COLEC12: variants seen among roughly 807,000 people sequenced by gnomAD.
COLEC12 encodes the protein collectin subfamily member 12, also known as collectin-12.
Under a neutral mutation model 71.1 loss-of-function variants are expected in COLEC12, and 33 were observed. The observed-to-expected ratio is 0.46, with a 90% CI of 0.35 to 0.62. COLEC12 has a LOEUF of 0.62. Among genes scored for constraint, COLEC12 ranks in the 20% least tolerant of loss-of-function variants. The pLI is 0.00. For synonymous variants in COLEC12, 350 were observed against 353.0 expected, an observed-to-expected ratio of 0.99 and a Z score of 0.10; for missense variants, 765 against 916.1, an observed-to-expected ratio of 0.84 and a Z score of 2.13.
At chr18:337,732 A>C (rs1567876653) in intron 5 of COLEC12, among the ~76,000 whole-genome samples, 1 of 152,102 alleles carries the variant, frequency 6.6e-6, no homozygotes, top group Non-Finnish European at 1.5e-5. Flanking sequence ...CCGCTAGTGA[A>C]GGGTCCATTT....
At chr18:343,369 CA>C (rs1286785834) in intron 5 of COLEC12, among the ~76,000 whole-genome samples, 6 of 152,026 alleles carry the variant, frequency 3.9e-5, no homozygotes, top group Non-Finnish European at 8.8e-5. Flanking sequence ...GTTGTCAGGG[CA>C]AGGAAAGGGA....
intron 5 of COLEC12, among the ~76,000 whole-genome samples, chr18:343,926 A>G (rs1388083858): frequency 2.0e-5 from 3 of 152,214 alleles, no homozygotes; most frequent in African/African-American, 7.2e-5. Flanking sequence ...AAGAATCCTA[A>G]CAATAGAAAC....
intron 2 of COLEC12, among the ~76,000 whole-genome samples, chr18:410,277 T>A (rs547513749): frequency 1.3e-5 from 2 of 152,134 alleles, no homozygotes; most frequent in Non-Finnish European, 2.9e-5. Flanking sequence ...CTTCCACTTG[T>A]AGAAGATGAA....
chr18:443,147 C>T (rs1488251957), intron 2 of COLEC12, among the ~76,000 whole-genome samples: 2 of 152,154 alleles, frequency 1.3e-5, no homozygotes, highest in Admixed American at 1.3e-4. Flanking sequence ...ATGAAAAATA[C>T]ATATTCTGTA....
intron 2 of COLEC12, among the ~76,000 whole-genome samples, chr18:472,547 A>C (rs1003949670): frequency 1.3e-5 from 2 of 151,622 alleles, no homozygotes; most frequent in Non-Finnish European, 2.9e-5. Flanking sequence ...ATTGGCCTAG[A>C]GTGGTAGCAT....
At chr18:332,913 G>T (rs867458308) in intron 7 of COLEC12, 94 bp downstream of exon 7, 3 of 1,152,316 alleles carry the variant, frequency 2.6e-6, no homozygotes, top group African/African-American at 1.6e-5. Flanking sequence ...CTAGGAATTC[G>T]TGATATCTCT....
At chr18:372,190 A>C (rs1047134036) in intron 2 of COLEC12, among the ~76,000 whole-genome samples, 2 of 152,182 alleles carry the variant, frequency 1.3e-5, no homozygotes, top group African/African-American at 4.8e-5. Flanking sequence ...GTTCTCCTCC[A>C]GTCTCAATTC....
intron 2 of COLEC12, among the ~76,000 whole-genome samples, chr18:451,370 T>C (rs776523822): frequency 6.6e-6 from 1 of 152,184 alleles, no homozygotes; most frequent in Admixed American, 6.5e-5. Context: ...TTGGGGTATC[T>C]GGTGGAAGAA....
intron 2 of COLEC12, among the ~76,000 whole-genome samples, chr18:463,328 G>A (rs1917019714): frequency 6.6e-6 from 1 of 152,096 alleles, no homozygotes; most frequent in African/African-American, 2.4e-5. Context: ...CTGGCACACG[G>A]GTGAAGCCAT....
At chr18:398,671 A>G (rs1407172040) in intron 2 of COLEC12, among the ~76,000 whole-genome samples, 1 of 152,222 alleles carries the variant, frequency 6.6e-6, no homozygotes, top group East Asian at 1.9e-4. Context: ...GAAGAATTAG[A>G]AGAGTCTGCT....
intron 2 of COLEC12, among the ~76,000 whole-genome samples, chr18:426,559 T>C (rs1567904653): frequency 6.6e-6 from 1 of 152,240 alleles, no homozygotes; most frequent in Non-Finnish European, 1.5e-5. Context: ...ACCGCTTCTA[T>C]ATGGACCTGC....
Position 334,843 on chromosome 18 carries a change from C to T in COLEC12, c.1715G>A (p.Gly572Asp). Residue 572 changes from glycine (G) to aspartate (D), a missense_variant, in exon 6 of 10, where the codon GGC (glycine) becomes GAC (aspartate). By Grantham distance (94) the Gly-to-Asp change is moderately conservative. Coordinates refer to ENST00000400256, the MANE Select transcript of COLEC12 (RefSeq NM_130386.3). ...RGLPGLPGVPGMPGPKGPPGP... is the reference protein window; with the variant it reads ...RGLPGLPGVPDMPGPKGPPGP... ...GGGGGGGCCCTTGGGGCCTGGCATGCCTGGTACCCCAGGCAAGCCTGGCAG... is the reference window on the plus strand; with the variant it reads ...GGGGGGGCCCTTGGGGCCTGGCATGTCTGGTACCCCAGGCAAGCCTGGCAG... The T allele has an allele frequency of 6.6e-7, 1 of 1,526,226 alleles. No individual in the cohort carries two copies. The highest frequency in any genetic ancestry group is 2.5e-5 in the Admixed American group (1 of 39,314). The allele number at this position is 1,526,226 out of a possible 1,614,324, so 94.5% of individuals were successfully genotyped here. A position where few individuals can be genotyped will look rare whatever the true frequency, so the allele number is the denominator to read the frequency against.
At chr18:368,251 G>T (rs573306944) in intron 2 of COLEC12, among the ~76,000 whole-genome samples, 1 of 152,320 alleles carries the variant, frequency 6.6e-6, no homozygotes, top group South Asian at 2.1e-4. Flanking sequence ...AGACACTAGA[G>T]ATGTTTGTAG....
chr18:326,556 C>T (rs922303895), intron 8 of COLEC12, among the ~76,000 whole-genome samples: 14 of 152,294 alleles, frequency 9.2e-5, no homozygotes, highest in Non-Finnish European at 2.1e-4. Context: ...ACCATGTCGG[C>T]CTGGATGGTC....
intron 2 of COLEC12, among the ~76,000 whole-genome samples, chr18:441,097 A>ATC (rs1208287485): frequency 4.3e-5 from 4 of 93,154 alleles, no homozygotes; most frequent in East Asian, 3.5e-4. Flanking sequence ...AAATACAAAA[A>ATC]ATTGGCCAGG....
At chr18:382,290 GA>G (rs201264429) in intron 2 of COLEC12, among the ~76,000 whole-genome samples, 1 of 151,878 alleles carries the variant, frequency 6.6e-6, no homozygotes, top group Non-Finnish European at 1.5e-5. Flanking sequence ...GATACAGATG[GA>G]AAAAAAATCC....
At chr18:413,070 A>G (rs573963687) in intron 2 of COLEC12, among the ~76,000 whole-genome samples, 14 of 152,390 alleles carry the variant, frequency 9.2e-5, no homozygotes, top group African/African-American at 2.2e-4. Flanking sequence ...CATTTCAAAT[A>G]TAACATACAG....
At position 496,412 on chromosome 18, in the gene COLEC12, G is replaced by T. The variant is rs376616392; in HGVS notation, c.7+4096C>A. 5.3e-5 allele frequency among the ~76,000 whole-genome samples: 8 copies of T among 152,294 alleles called. No homozygotes were observed. The South Asian group carries it at 6.2e-4, about 12-fold the overall frequency. Reference sequence around the variant, plus strand: ...TAATGAAAAGTCAAAAGTATAATTAGATTGTAAATTTGCCTCCCAGAGAAG... The same window carrying T: ...TAATGAAAAGTCAAAAGTATAATTATATTGTAAATTTGCCTCCCAGAGAAG... On this transcript the variant is annotated intron_variant, in intron 1 of 9. Transcript: ENST00000400256.
Position 334,756 on chromosome 18 carries a change from G to A in COLEC12, c.1802C>T (p.Ala601Val). The A allele has an allele frequency of 1.4e-6, 2 of 1,471,272 alleles. No individual in the cohort carries two copies. Among genetic ancestry groups the A allele is most frequent in the Non-Finnish European group, 1.8e-6 (2 of 1,116,374 alleles). 91.1% of individuals were successfully genotyped at this position (1,471,272 alleles called of 1,614,324 possible). The change falls in exon 6 of 10, where the codon GCA becomes GTA. Residue 601 changes from alanine to valine, a missense_variant. Physicochemically the swap from Ala to Val is moderately conservative, Grantham distance 64. Transcript: ENST00000400256. ...PLALQNEPTP[A>V]PEDNGCPPHW... The stretch of plus-strand genomic sequence containing the variant: ...CTTGGACTTACCATTGTCCTCCGGT[G>A]CTGGGGTTGGCTCATTCTGCAGGGC...
Sources: allele counts gnomAD v4.1 joint callset (sites outside exome capture counted in the v4.1 genomes callset), GRCh38; gene constraint gnomAD v4.1.1; transcripts MANE v1.5; gene names NCBI Gene and HGNC (gene_info 2026-07-23, HGNC 2026-07-21).